THEM4: variants seen among roughly 807,000 people sequenced by gnomAD.
THEM4 encodes acyl-coenzyme A thioesterase THEM4.
A neutral mutation model predicts 25.0 loss-of-function variants in THEM4; 22 were observed. The ratio of observed to expected loss-of-function variants is 0.88; its 90% CI spans 0.63 to 1.26. The LOEUF (loss-of-function observed/expected upper bound fraction) is 1.26. Ranked by LOEUF, THEM4 falls within the 50% of genes most tolerant of loss-of-function variation. The pLI is 0.00. For synonymous variants in THEM4, 113 were observed against 105.6 expected (o/e 1.07, Z -0.43); for missense variants, 286 against 300.3 (o/e 0.95, Z 0.35).
At chr1:151,906,276 C>T (rs1451768902) in intron 1 of THEM4, among the ~76,000 whole-genome samples, 1 of 152,256 alleles carries the variant, frequency 6.6e-6, no homozygotes, top group Non-Finnish European at 1.5e-5. Context: ...GGCTTAGCAC[C>T]CGGGCCAGTG....
At chr1:151,891,051 T>A (rs939253698) in intron 2 of THEM4, 2 of 152,202 alleles carry the variant, frequency 1.3e-5, no homozygotes, top group African/African-American at 4.8e-5. Flanking sequence ...CATTTCAAAA[T>A]AAAGACCAAA....
chr1:151,876,449 A>AT (rs11449752), intron 5 of THEM4, among the ~76,000 whole-genome samples: 123,408 of 144,132 alleles, frequency 0.86, 52,793 homozygotes, highest in East Asian at 0.91. Flanking sequence ...CACTTTGTAA[A>AT]TTTTTTTTTT....
At chr1:151,900,667 C>G (rs1196390086) in intron 1 of THEM4, among the ~76,000 whole-genome samples, 1 of 152,140 alleles carries the variant, frequency 6.6e-6, no homozygotes. Flanking sequence ...AACACTGGAG[C>G]TCCCAAATTT....
At position 151,874,506 on chromosome 1, in the gene THEM4, C is replaced by G. The variant is rs1653627913; in HGVS notation, c.*382G>C. 1 of 184,172 alleles carries G rather than the reference C, an allele frequency of 5.4e-6. No individual in the cohort carries two copies. The highest frequency in any genetic ancestry group is 1.1e-5 in the Non-Finnish European group (1 of 88,504). 11.4% of individuals were successfully genotyped at this position (184,172 alleles called of 1,614,324 possible). On this transcript the variant is annotated 3_prime_UTR_variant, in exon 6 of 6. Transcript: ENST00000368814. ...TCTCCTGCCTCAGCCTCCTGAGTAG[C>G]TGGGACTACAGGCGTACGCCACCAT...
rs1233545488 is a variant in THEM4, at chr1:151,872,199, C to G, written c.*2689G>C. Among the ~76,000 whole-genome samples, 4 of 152,166 alleles carry G rather than the reference C, an allele frequency of 2.6e-5. No homozygotes were observed. Among genetic ancestry groups the G allele is most frequent in the Non-Finnish European group, 5.9e-5 (4 of 68,026 alleles). ...GAGAACTGGAGTTGGGCACTAGAGA[C>G]AGGGCTTCCAGGATGTGGGTCTTCC... On this transcript the variant is annotated 3_prime_UTR_variant, in exon 6 of 6. Transcript: ENST00000368814.
At position 151,872,582 on chromosome 1, in the gene THEM4, T is replaced by C. The variant is rs1457300985; in HGVS notation, c.*2306A>G. ...AGACATGAGAAATTCCATTTTGATC[T>C]GTTCTAAGAAAATTGCTTTGCCTTG... On this transcript the variant is annotated 3_prime_UTR_variant, in exon 6 of 6. Transcript: ENST00000368814. 6.6e-6 allele frequency among the ~76,000 whole-genome samples: 1 copy of C among 152,196 alleles called. No individual in the cohort carries two copies. The highest frequency in any genetic ancestry group is 1.5e-5 in the Non-Finnish European group (1 of 68,040).
chr1:151,875,803 C>T (rs1006277496), intron 5 of THEM4, among the ~76,000 whole-genome samples: 10 of 152,184 alleles, frequency 6.6e-5, no homozygotes, highest in African/African-American at 2.4e-4. Context: ...TAAAGAATCT[C>T]ATATATTGCT....
At chr1:151,905,120 G>A (rs992936405) in intron 1 of THEM4, among the ~76,000 whole-genome samples, 1 of 152,194 alleles carries the variant, frequency 6.6e-6, no homozygotes, top group African/African-American at 2.4e-5. Flanking sequence ...CATTTATAAA[G>A]TGGTAAGACA....
At chr1:151,879,345 G>A (rs1241641424) in intron 4 of THEM4, among the ~76,000 whole-genome samples, 2 of 151,826 alleles carry the variant, frequency 1.3e-5, no homozygotes, top group African/African-American at 2.4e-5. Context: ...TAGGTTTAAA[G>A]TAGTGAAATG....
At chr1:151,878,980 T>C (rs4845660) in intron 4 of THEM4, among the ~76,000 whole-genome samples, 134,835 of 151,220 alleles carry the variant, frequency 0.89, 60,230 homozygotes, top group East Asian at 0.92. Context: ...GACTAATAAT[T>C]TCTGGCAAGA....
At chr1:151,878,282 T>A (rs1653732445) in intron 4 of THEM4, among the ~76,000 whole-genome samples, 1 of 152,188 alleles carries the variant, frequency 6.6e-6, no homozygotes, top group African/African-American at 2.4e-5. Context: ...TGAATAATGA[T>A]CCCTCCACTC....
At position 151,877,040 on chromosome 1, in the gene THEM4, G is replaced by C; in HGVS notation, c.643C>G (p.Gln215Glu). The change falls in exon 5 of 6, where the codon CAG becomes GAG. Residue 215 changes from glutamine (Q) to glutamate (E), a missense_variant. Transcript: ENST00000368814. ...TATAGGGTCTTCTCATCAACACTCT[G>C]AACATTACAGGAAACAAAAAATTTC... ...GRKFFVSCNV[Q>E]SVDEKTLYSE... 6.2e-7 allele frequency: 1 copy of C among 1,613,364 alleles called. No individual in the cohort carries two copies. Among genetic ancestry groups the C allele is most frequent in the Non-Finnish European group, 8.5e-7 (1 of 1,179,692 alleles).
Position 151,873,535 on chromosome 1 carries a change from C to G in THEM4, c.*1353G>C, listed in dbSNP as rs1163319152. 6.6e-6 allele frequency: 1 copy of G among 152,206 alleles called. No homozygotes were observed. Among genetic ancestry groups the G allele is most frequent in the African/African-American group, 2.4e-5 (1 of 41,446 alleles). 9.4% of individuals were successfully genotyped at this position (152,206 alleles called of 1,614,324 possible). On this transcript the variant is annotated 3_prime_UTR_variant, in exon 6 of 6. Transcript: ENST00000368814. ...TTTTAGTTTTGTTGAGGCTCTTTTA[C>G]AGGTTGAATTGTGTCCTCCCAAAAA...
rs571764161 is a variant in THEM4, at chr1:151,894,816, T to G, written c.286+192A>C. 25 of 659,692 alleles carry G rather than the reference T, an allele frequency of 3.8e-5. No homozygotes were observed. In the East Asian group the frequency reaches 6.7e-4, roughly 18 times the overall value. The allele number at this position is 659,692 out of a possible 1,614,324, so 40.9% of individuals were successfully genotyped here. ...AATGCCAGGGTGGGAGCAGTCTTAT[T>G]CTTGACAATAGGCTTTATGCTCTCC... On this transcript the variant is annotated intron_variant, in intron 2 of 5. Transcript: ENST00000368814.
chr1:151,900,030 C>T (rs1355735985), intron 1 of THEM4, among the ~76,000 whole-genome samples: 1 of 152,156 alleles, frequency 6.6e-6, no homozygotes, highest in African/African-American at 2.4e-5. Context: ...CAATTATCAG[C>T]CAAGAATTCT....
intron 4 of THEM4, among the ~76,000 whole-genome samples, chr1:151,886,296 C>T (rs2101721278): frequency 6.6e-6 from 1 of 152,322 alleles, no homozygotes. Flanking sequence ...GGGACAAACA[C>T]TAAGCATAGA....
chr1:151,880,801 C>T (rs1240504470), intron 4 of THEM4, among the ~76,000 whole-genome samples: 2 of 152,034 alleles, frequency 1.3e-5, no homozygotes, highest in African/African-American at 4.8e-5. Flanking sequence ...TAGTTTTTTA[C>T]TTTTAAAAAT....
intron 4 of THEM4, among the ~76,000 whole-genome samples, chr1:151,880,010 A>G (rs977624417): frequency 2.0e-5 from 3 of 151,592 alleles, no homozygotes; most frequent in Non-Finnish European, 2.9e-5. Flanking sequence ...GGGTCTCAGT[A>G]TGTTGCTCAG....
intron 2 of THEM4, among the ~76,000 whole-genome samples, chr1:151,894,555 A>C (rs1654175933): frequency 6.6e-6 from 1 of 152,190 alleles, no homozygotes; most frequent in South Asian, 2.1e-4. Context: ...AAAACACAGA[A>C]GGATAGGAAT....
Sources: gnomAD v4.1 joint callset for allele counts (sites outside exome capture counted in the v4.1 genomes callset) on GRCh38, gnomAD v4.1.1 for gene constraint, MANE v1.5 for transcripts, NCBI Gene and HGNC (gene_info 2026-07-23, HGNC 2026-07-21) for gene names.